Variants in TMEM132D observed in about 807,000 individuals in gnomAD.
TMEM132D encodes mature OL transmembrane protein.
Under a neutral mutation model 62.3 loss-of-function variants are expected in TMEM132D, and 21 were observed. That is an observed-to-expected ratio of 0.34 (90% CI 0.24 to 0.49). The LOEUF is 0.49. TMEM132D is among the 20% of genes least tolerant of loss of function. The pLI, the probability that TMEM132D is intolerant of heterozygous loss-of-function variation, is 0.99. For missense variants in TMEM132D, 1,346 were observed against 1,402.8 expected (o/e 0.96, Z 0.65); for synonymous variants, 621 against 575.6 (o/e 1.08, Z -1.13).
intron 2 of TMEM132D, among the ~76,000 whole-genome samples, chr12:129,597,381 T>C (rs781712754): frequency 3.3e-5 from 5 of 152,202 alleles, no homozygotes; most frequent in Non-Finnish European, 5.9e-5. Context: ...AAAGTATTTA[T>C]AAATAAAATA....
chr12:129,532,997 G>T (rs796642635), intron 2 of TMEM132D, among the ~76,000 whole-genome samples: 13 of 152,256 alleles, frequency 8.5e-5, no homozygotes, highest in African/African-American at 3.1e-4. Context: ...ACCACATGCT[G>T]AGTCCTGTGA....
intron 1 of TMEM132D, among the ~76,000 whole-genome samples, chr12:129,875,414 G>A (rs963596147): frequency 2.6e-5 from 4 of 152,216 alleles, no homozygotes; most frequent in South Asian, 2.1e-4. Context: ...CTGGAAAGCC[G>A]AGACCATGGT....
chr12:129,337,432 T>TACACACACGCACACAC (rs1428559798), intron 4 of TMEM132D, among the ~76,000 whole-genome samples: 4 of 109,650 alleles, frequency 3.6e-5, no homozygotes, highest in African/African-American at 1.4e-4. Context: ...TAGATATAGA[T>TACACACACGCACACAC]ACACACACGC....
Position 129,903,163 on chromosome 12 carries a change from G to C in TMEM132D, c.79+98C>G. The C allele has an allele frequency of 3.2e-6, 4 of 1,258,760 alleles. No homozygotes were observed. The South Asian group carries it at 4.0e-5, about 13-fold the overall frequency. 78.0% of individuals were successfully genotyped at this position (1,258,760 alleles called of 1,614,324 possible). A position where few individuals can be genotyped will look rare whatever the true frequency, so the allele number is the denominator to read the frequency against. ...CAAGCGCGCACACACACTTGCACAC[G>C]AGCCCTCTCTCCCGGCCGCCCCCAT... On this transcript the variant is annotated intron_variant, in intron 1 of 8. Coordinates refer to ENST00000422113, the MANE Select transcript of TMEM132D (RefSeq NM_133448.3). The surrounding 1 kb of genome is among the most constrained non-coding windows in gnomAD (Gnocchi z 6.2).
At chr12:129,180,412 A>G (rs1448381841) in intron 5 of TMEM132D, among the ~76,000 whole-genome samples, 2 of 152,062 alleles carry the variant, frequency 1.3e-5, no homozygotes, top group Non-Finnish European at 1.5e-5. Context: ...CTGTGTATGC[A>G]TTTATTCATT....
intron 1 of TMEM132D, among the ~76,000 whole-genome samples, chr12:129,749,286 T>C (rs2137265843): frequency 6.6e-6 from 1 of 152,198 alleles, no homozygotes; most frequent in Admixed American, 6.5e-5. Context: ...CTCTAGAGCC[T>C]CCTCGCTGAA....
intron 3 of TMEM132D, among the ~76,000 whole-genome samples, chr12:129,524,520 A>G (rs1274557554): frequency 6.6e-6 from 1 of 152,202 alleles, no homozygotes; most frequent in Non-Finnish European, 1.5e-5. Flanking sequence ...TTTTAAAATT[A>G]ATTCACATCT....
chr12:129,263,329 G>A (rs373477693), intron 4 of TMEM132D, among the ~76,000 whole-genome samples: 2 of 152,156 alleles, frequency 1.3e-5, no homozygotes, highest in African/African-American at 4.8e-5. Context: ...GATCCAGAAA[G>A]AACTTGGACA....
At chr12:129,760,261 C>A (rs1870309151) in intron 1 of TMEM132D, among the ~76,000 whole-genome samples, 1 of 150,952 alleles carries the variant, frequency 6.6e-6, no homozygotes, top group Non-Finnish European at 1.5e-5. Context: ...TCCCCTGAAA[C>A]CTGAATGATG....
chr12:129,093,617 A>G (rs1732637198), intron 5 of TMEM132D, among the ~76,000 whole-genome samples: 2 of 152,234 alleles, frequency 1.3e-5, no homozygotes, highest in Admixed American at 6.5e-5. Context: ...GCCCAAGGTC[A>G]TTTATAGATT....
Position 129,081,830 on chromosome 12 carries a change from C to T in TMEM132D, c.1852G>A (p.Glu618Lys), listed in dbSNP as rs774295916. The change falls in exon 7 of 9, where the codon GAG (glutamate) becomes AAG (lysine). Residue 618 changes from glutamate to lysine, a missense_variant. Glu to Lys is a moderately conservative substitution (Grantham distance 56, BLOSUM62 1). Coordinates refer to ENST00000422113, the MANE Select transcript of TMEM132D (RefSeq NM_133448.3). ...ELINDFMQVE[E>K]PRIAKLQGGQ... ...CCTTGCAGCTTGGCGATCCTGGGCT[C>T]CTCCACCTGCATGAAGTCATTTATC... The T allele has an allele frequency of 2.7e-5, 44 of 1,613,692 alleles. No homozygotes were observed. The highest frequency in any genetic ancestry group is 3.3e-5 in the Non-Finnish European group (39 of 1,179,986).
intron 3 of TMEM132D, among the ~76,000 whole-genome samples, chr12:129,365,106 T>C (rs1870363476): frequency 6.6e-6 from 1 of 152,148 alleles, no homozygotes; most frequent in South Asian, 2.1e-4. Flanking sequence ...ATTGAGCTGA[T>C]GGTGTTAGAT....
At chr12:129,884,010 C>A (rs1874681870) in intron 1 of TMEM132D, among the ~76,000 whole-genome samples, 1 of 152,136 alleles carries the variant, frequency 6.6e-6, no homozygotes, top group Admixed American at 6.5e-5. Flanking sequence ...TAGCTCACTG[C>A]AATCTCAACC....
intron 2 of TMEM132D, among the ~76,000 whole-genome samples, chr12:129,600,275 G>A (rs901077970): frequency 1.3e-5 from 2 of 152,184 alleles, no homozygotes; most frequent in African/African-American, 4.8e-5. Flanking sequence ...TTCACATTGT[G>A]TCATGAGCTT....
intron 1 of TMEM132D, among the ~76,000 whole-genome samples, chr12:129,761,691 G>C (rs1233355958): frequency 6.6e-6 from 1 of 152,158 alleles, no homozygotes; most frequent in Non-Finnish European, 1.5e-5. Flanking sequence ...CACGCGGTCT[G>C]CTTTCACAGG....
At chr12:129,717,694 TTAAAA>T (rs1868640101) in intron 1 of TMEM132D, among the ~76,000 whole-genome samples, 2 of 150,440 alleles carry the variant, frequency 1.3e-5, no homozygotes, top group South Asian at 2.1e-4. Flanking sequence ...TTTTATTAAA[TTAAAA>T]TAATAAAATA....
chr12:129,468,509 C>T (rs968106445), intron 3 of TMEM132D, among the ~76,000 whole-genome samples: 2 of 152,206 alleles, frequency 1.3e-5, no homozygotes, highest in Non-Finnish European at 2.9e-5. Flanking sequence ...AAGTTGCCTA[C>T]ACCTCCAGCC....
chr12:129,587,739 G>C (rs1218957799), intron 2 of TMEM132D, among the ~76,000 whole-genome samples: 3 of 152,086 alleles, frequency 2.0e-5, no homozygotes, highest in African/African-American at 7.2e-5. Context: ...TTCCACAAAG[G>C]AGCCGTATTT....
intron 2 of TMEM132D, among the ~76,000 whole-genome samples, chr12:129,641,763 T>TGAG (rs759546945): frequency 5.3e-5 from 8 of 152,208 alleles, no homozygotes; most frequent in South Asian, 2.1e-4. Flanking sequence ...TGAGACAGGC[T>TGAG]GAGATTCATC....
Sources: gnomAD v4.1 joint callset for allele counts (sites outside exome capture counted in the v4.1 genomes callset) on GRCh38, gnomAD v4.1.1 for gene constraint, Gnocchi (gnomAD v3.1) non-coding constraint, MANE v1.5 for transcripts, NCBI Gene and HGNC (gene_info 2026-07-23, HGNC 2026-07-21) for gene names.